OSBP2: variants seen among roughly 807,000 people sequenced by gnomAD.
The protein encoded by OSBP2 is oxysterol-binding protein 2.
OSBP2 carries 66 observed loss-of-function variants against 96.0 expected under a neutral mutation model. That is an observed-to-expected ratio of 0.69 (90% CI 0.56 to 0.84). The LOEUF (loss-of-function observed/expected upper bound fraction) is 0.84. OSBP2 is among the 40% of genes least tolerant of loss of function. The pLI is 0.00. For synonymous variants in OSBP2, 525 were observed against 520.9 expected, an observed-to-expected ratio of 1.01 and a Z score of -0.11; for missense variants, 1,038 against 1,222.7, an observed-to-expected ratio of 0.85 and a Z score of 2.25.
chr22:30,879,607 T>G (rs1473576082), intron 3 of OSBP2, among the ~76,000 whole-genome samples: 2 of 152,156 alleles, frequency 1.3e-5, no homozygotes, highest in Non-Finnish European at 2.9e-5. Context: ...ACAGCTTGGC[T>G]GGGCCAAAGG....
At chr22:30,809,397 C>T (rs755949184) in intron 2 of OSBP2, among the ~76,000 whole-genome samples, 18 of 152,178 alleles carry the variant, frequency 1.2e-4, no homozygotes, top group Non-Finnish European at 2.1e-4. Context: ...GGCCTTCCAC[C>T]AAGCAGCCTT....
chr22:30,803,003 C>G (rs1051289444), intron 2 of OSBP2: 1 of 159,414 alleles, frequency 6.3e-6, no homozygotes, highest in Admixed American at 6.5e-5. Flanking sequence ...ACACCCAATC[C>G]CGGGACCGCC....
chr22:30,841,999 G>A (rs1239427461), intron 2 of OSBP2, among the ~76,000 whole-genome samples: 1 of 151,880 alleles, frequency 6.6e-6, no homozygotes, highest in East Asian at 1.9e-4. Context: ...AGGCTGGAGT[G>A]CAGTGGAGAG....
chr22:30,703,828 C>T (rs1442237983), intron 1 of OSBP2, among the ~76,000 whole-genome samples: 1 of 152,162 alleles, frequency 6.6e-6, no homozygotes, highest in Non-Finnish European at 1.5e-5. Flanking sequence ...GCTTGCCTTG[C>T]ACTGTTGGAA....
At chr22:30,772,648 C>G (rs940578600) in intron 2 of OSBP2, among the ~76,000 whole-genome samples, 1 of 152,224 alleles carries the variant, frequency 6.6e-6, no homozygotes, top group African/African-American at 2.4e-5. Context: ...TTTGAGGACA[C>G]TCTGAGGTCT....
chr22:30,702,978 C>T (rs1387518861), intron 1 of OSBP2, among the ~76,000 whole-genome samples: 1 of 152,144 alleles, frequency 6.6e-6, no homozygotes, highest in Admixed American at 6.6e-5. Flanking sequence ...TATGTTCATG[C>T]CAAACTTGAA....
intron 1 of OSBP2, among the ~76,000 whole-genome samples, chr22:30,696,075 T>G (rs1304924017): frequency 6.6e-6 from 1 of 152,140 alleles, no homozygotes; most frequent in Non-Finnish European, 1.5e-5. Flanking sequence ...CACCACAGAC[T>G]CACAGATGTA....
Position 30,811,171 on chromosome 22 carries a change from C to CG in OSBP2, c.854-59258_854-59257insG, listed in dbSNP as rs962722715. ...GCCATATAAGTATACACAACCCCCC[C>CG]CCCACACATACATATATAAAAATGA... is the stretch of plus-strand genomic sequence containing the variant. On this transcript the variant is annotated intron_variant, in intron 2 of 13. Transcript: ENST00000332585. Among the ~76,000 whole-genome samples the CG allele has an allele frequency of 4.7e-5, 7 of 148,558 alleles. No individual in the cohort carries two copies. The East Asian group carries it at 1.4e-3, about 31-fold the overall frequency.
intron 2 of OSBP2, among the ~76,000 whole-genome samples, chr22:30,829,362 G>A (rs1233378875): frequency 6.6e-6 from 1 of 152,080 alleles, no homozygotes; most frequent in African/African-American, 2.4e-5. Context: ...GTGCAATCTC[G>A]GCTCACTGCA....
intron 2 of OSBP2, among the ~76,000 whole-genome samples, chr22:30,824,078 C>G (rs758034261): frequency 1.3e-5 from 2 of 152,190 alleles, no homozygotes; most frequent in Non-Finnish European, 2.9e-5. Flanking sequence ...TCTGCTAGCA[C>G]TTGGCTTGGT....
chr22:30,816,420 G>A (rs993023160), intron 2 of OSBP2, among the ~76,000 whole-genome samples: 1 of 152,128 alleles, frequency 6.6e-6, no homozygotes, highest in Non-Finnish European at 1.5e-5. Context: ...AACTGACATA[G>A]CAATAGAATG....
At chr22:30,852,052 G>C (rs1469256039) in intron 2 of OSBP2, among the ~76,000 whole-genome samples, 1 of 151,842 alleles carries the variant, frequency 6.6e-6, no homozygotes, top group Non-Finnish European at 1.5e-5. Context: ...ATCCTTTTTT[G>C]CTGATTTCCA....
chr22:30,894,314 A>G, intron 12 of OSBP2: 1 of 308,776 alleles, frequency 3.2e-6, no homozygotes, highest in Non-Finnish European at 6.0e-6. Flanking sequence ...GTGGCATAGG[A>G]AAGTCCAAAG....
chr22:30,894,454 A>G (rs1361582818), intron 12 of OSBP2: 2 of 157,754 alleles, frequency 1.3e-5, no homozygotes, highest in East Asian at 3.8e-4. Context: ...ATTTAAAGAG[A>G]CAAAACCCAG....
chr22:30,713,396 AT>A (rs1246131881), intron 1 of OSBP2, among the ~76,000 whole-genome samples: 2 of 151,454 alleles, frequency 1.3e-5, no homozygotes, highest in African/African-American at 4.9e-5. Flanking sequence ...TATTTTTATG[AT>A]TTTTTTCTTT....
intron 2 of OSBP2, among the ~76,000 whole-genome samples, chr22:30,814,780 T>C (rs2091060597): frequency 6.6e-6 from 1 of 152,138 alleles, no homozygotes; most frequent in Admixed American, 6.5e-5. Flanking sequence ...TCCTGGGGGT[T>C]TGGACTTCAA....
At chr22:30,832,657 A>C (rs1236387974) in intron 2 of OSBP2, among the ~76,000 whole-genome samples, 1 of 152,176 alleles carries the variant, frequency 6.6e-6, no homozygotes, top group Non-Finnish European at 1.5e-5. Context: ...TCTTAATTGG[A>C]AATGCCAGGC....
chr22:30,772,356 A>C (rs890395900), intron 2 of OSBP2, among the ~76,000 whole-genome samples: 8 of 152,184 alleles, frequency 5.3e-5, no homozygotes, highest in Non-Finnish European at 1.0e-4. Context: ...TAGGCTCTTG[A>C]GTCTTGGTAC....
intron 1 of OSBP2, among the ~76,000 whole-genome samples, chr22:30,718,770 A>G (rs554754596): frequency 2.6e-5 from 4 of 152,082 alleles, no homozygotes; most frequent in Non-Finnish European, 4.4e-5. Flanking sequence ...TGCCAGTACT[A>G]ACAGATTTGT....
Sources: gnomAD v4.1 joint callset for allele counts (sites outside exome capture counted in the v4.1 genomes callset) on GRCh38, gnomAD v4.1.1 for gene constraint, MANE v1.5 for transcripts, NCBI Gene and HGNC (gene_info 2026-07-23, HGNC 2026-07-21) for gene names.